Variants in INSR observed in about 807,000 individuals in gnomAD.
INSR encodes the protein insulin receptor.
A neutral mutation model predicts 142.6 loss-of-function variants in INSR; 67 were observed. The observed-to-expected ratio is 0.47, with a 90% CI of 0.39 to 0.58. The LOEUF is 0.58. Among genes scored for constraint, INSR ranks in the 20% least tolerant of loss-of-function variants. The pLI, the probability that INSR is intolerant of heterozygous loss-of-function variation, is 0.00. For synonymous variants in INSR, 756 were observed against 743.1 expected (o/e 1.02, Z -0.28); for missense variants, 1,248 against 1,833.2 (o/e 0.68, Z 5.83).
At chr19:7,266,916 T>TA (rs975209589) in intron 2 of INSR, among the ~76,000 whole-genome samples, 8 of 152,230 alleles carry the variant, frequency 5.3e-5, no homozygotes, top group African/African-American at 1.4e-4. Flanking sequence ...ACTATTTTTT[T>TA]AAAAAAACCG....
chr19:7,270,370 C>CACACAA (rs1967885560), intron 1 of INSR, among the ~76,000 whole-genome samples: 1 of 151,588 alleles, frequency 6.6e-6, no homozygotes, highest in Admixed American at 6.6e-5. Context: ...CACACACACA[C>CACACAA]ACACACACAC....
rs986316512 is a variant in INSR at position 7,168,354 on chromosome 19, A to G, written c.1484-260T>C. 1.3e-5 allele frequency among the ~76,000 whole-genome samples: 2 copies of G among 152,210 alleles called. No individual in the cohort carries two copies. Among genetic ancestry groups the G allele is most frequent in the Non-Finnish European group, 2.9e-5 (2 of 68,042 alleles). On this transcript the variant is annotated intron_variant, in intron 6 of 21. Transcript: ENST00000302850. This position sits in a 1 kb window ranked among gnomAD's most constrained non-coding sequence, Gnocchi z 4.3. Reference sequence around the variant, plus strand: ...GCCAGACAGTCAACTGAATAAGCGCAGTCTGTACCCGCGCAAGAAGGACAA... The same window carrying G: ...GCCAGACAGTCAACTGAATAAGCGCGGTCTGTACCCGCGCAAGAAGGACAA...
intron 2 of INSR, among the ~76,000 whole-genome samples, chr19:7,232,599 A>G (rs1047033449): frequency 2.0e-5 from 3 of 152,128 alleles, no homozygotes; most frequent in Non-Finnish European, 2.9e-5. Flanking sequence ...TCACGAGGTC[A>G]GGAGATCGAG....
At chr19:7,270,185 T>G (rs762339535) in intron 1 of INSR, among the ~76,000 whole-genome samples, 1 of 152,098 alleles carries the variant, frequency 6.6e-6, no homozygotes, top group Non-Finnish European at 1.5e-5. Flanking sequence ...CCTGACCTCG[T>G]GATCCACCCG....
intron 2 of INSR, among the ~76,000 whole-genome samples, chr19:7,194,252 A>G (rs1230576419): frequency 6.6e-6 from 1 of 151,858 alleles, no homozygotes; most frequent in African/African-American, 2.4e-5. Context: ...AACACTCTCT[A>G]TTCAAAATAC....
At chr19:7,177,563 T>C (rs558716742) in intron 3 of INSR, among the ~76,000 whole-genome samples, 2 of 152,154 alleles carry the variant, frequency 1.3e-5, no homozygotes, top group African/African-American at 4.8e-5. Context: ...GTCTCACTCT[T>C]GTTGCCCAGG....
Position 7,294,365 on chromosome 19 carries a change from G to A in INSR, c.-474C>T, listed in dbSNP as rs1018241690. ...GCTGCTCGGGCCCGTAAACAACGCGGCCCGTCAGCTGGGCCCCGTGCGGGC... is the reference window on the plus strand; with the variant it reads ...GCTGCTCGGGCCCGTAAACAACGCGACCCGTCAGCTGGGCCCCGTGCGGGC... On this transcript the variant is annotated 5_prime_UTR_variant, in exon 1 of 22. Transcript: ENST00000302850. Among the ~76,000 whole-genome samples the A allele has an allele frequency of 1.3e-5, 2 of 151,690 alleles. No homozygotes were observed. Among genetic ancestry groups the A allele is most frequent in the Non-Finnish European group, 2.9e-5 (2 of 67,842 alleles).
At chr19:7,250,734 T>C (rs545541043) in intron 2 of INSR, among the ~76,000 whole-genome samples, 28 of 152,186 alleles carry the variant, frequency 1.8e-4, no homozygotes, top group Non-Finnish European at 3.8e-4. Flanking sequence ...CAGAGCCATG[T>C]GCAAACGAAC....
chr19:7,131,687 C>CG (rs1555736704), intron 14 of INSR, among the ~76,000 whole-genome samples: 1 of 122,016 alleles, frequency 8.2e-6, no homozygotes, highest in East Asian at 2.4e-4. Flanking sequence ...ACCTCTGAAA[C>CG]TTTTTTTTTT....
chr19:7,222,911 T>C (rs1007010979), intron 2 of INSR, among the ~76,000 whole-genome samples: 2 of 152,136 alleles, frequency 1.3e-5, no homozygotes, highest in African/African-American at 4.8e-5. Context: ...GTCTGGGCAC[T>C]GTGGCTCATG....
At chr19:7,194,508 C>CT (rs35025189) in intron 2 of INSR, among the ~76,000 whole-genome samples, 2,634 of 73,558 alleles carry the variant, frequency 0.036, 231 homozygotes, top group African/African-American at 0.13. Context: ...AATAGCTTTG[C>CT]TTTTTTTTTT....
chr19:7,147,054 G>C (rs1973202398), intron 11 of INSR, among the ~76,000 whole-genome samples: 1 of 152,036 alleles, frequency 6.6e-6, no homozygotes. Context: ...TCAAAGCCAA[G>C]CTTTGACAAT....
At chr19:7,269,038 C>CCACACACCCA (rs1555690139) in intron 1 of INSR, among the ~76,000 whole-genome samples, 1 of 146,852 alleles carries the variant, frequency 6.8e-6, no homozygotes, top group Non-Finnish European at 1.5e-5. Context: ...ACCCACACAC[C>CCACACACCCA]CACACACACA....
At chr19:7,173,618 T>TA (rs1974068816) in intron 4 of INSR, among the ~76,000 whole-genome samples, 1 of 133,844 alleles carries the variant, frequency 7.5e-6, no homozygotes, top group Non-Finnish European at 1.6e-5. Flanking sequence ...CTGGCTTTTT[T>TA]TTTTTTTTTT....
chr19:7,124,336 T>A (rs1599872832), intron 17 of INSR, among the ~76,000 whole-genome samples: 1 of 135,412 alleles, frequency 7.4e-6, no homozygotes, highest in Non-Finnish European at 1.5e-5. Context: ...GCCACTGCAC[T>A]CCAGCCTGGG....
At chr19:7,271,429 G>A (rs185608664) in intron 1 of INSR, among the ~76,000 whole-genome samples, 316 of 152,106 alleles carry the variant, frequency 2.1e-3, no homozygotes, top group Non-Finnish European at 3.5e-3. Flanking sequence ...GAACCTGGGA[G>A]GTGGAGGTTG....
chr19:7,134,729 C>A (rs1972866239), intron 13 of INSR, among the ~76,000 whole-genome samples: 1 of 151,766 alleles, frequency 6.6e-6, no homozygotes, highest in South Asian at 2.1e-4. Flanking sequence ...CGTGACACTG[C>A]ACTCCAGCCT....
In INSR at chr19:7,117,188, C is replaced by G. The variant is rs1479080123; in HGVS notation, c.4017G>C (p.Glu1339Asp). 2 of 1,614,214 alleles carry G rather than the reference C, an allele frequency of 1.2e-6. No individual in the cohort carries two copies. The highest frequency in any genetic ancestry group is 1.7e-6 in the Non-Finnish European group (2 of 1,180,038). The change falls in exon 22 of 22, where the codon GAG becomes GAC. Residue 1339 changes from glutamate (E) to aspartate (D), a missense_variant. Transcript: ENST00000302850. ...LDRSSHCQRE[E>D]AGGRDGGSSL... ...AGGACCCTCCATCCCGGCCCCCCGC[C>G]TCCTCCCTCTGACAGTGCGAGGAAC... is the stretch of plus-strand genomic sequence containing the variant.
chr19:7,269,451 A>G (rs1967850039), intron 1 of INSR, among the ~76,000 whole-genome samples: 1 of 150,944 alleles, frequency 6.6e-6, no homozygotes, highest in South Asian at 2.1e-4. Context: ...GTTGGAGGAA[A>G]GCCCCAGTAC....
Sources: allele counts gnomAD v4.1 joint callset (sites outside exome capture counted in the v4.1 genomes callset), GRCh38; gene constraint gnomAD v4.1.1; non-coding constraint Gnocchi (gnomAD v3.1); transcripts MANE v1.5; gene names NCBI Gene and HGNC (gene_info 2026-07-23, HGNC 2026-07-21).